The following TRPS1 variants were observed in gnomAD, a reference collection of about 807,000 sequenced individuals.
TRPS1 encodes zinc finger transcription factor Trps1.
Under a neutral mutation model 101.2 loss-of-function variants are expected in TRPS1, and 6 were observed. The observed-to-expected ratio is 0.06, with a 90% confidence interval of 0.03 to 0.12. The LOEUF (loss-of-function observed/expected upper bound fraction) is 0.12. Among genes scored for constraint, TRPS1 ranks in the 10% least tolerant of loss-of-function variants. The pLI is 1.00. For synonymous variants in TRPS1, 578 were observed against 589.8 expected (o/e 0.98, Z 0.29); for missense variants, 1,363 against 1,567.0 (o/e 0.87, Z 2.20).
intron 5 of TRPS1, among the ~76,000 whole-genome samples, chr8:115,507,344 C>T (rs1432865856): frequency 1.3e-5 from 2 of 152,064 alleles, no homozygotes; most frequent in African/African-American, 4.8e-5. Context: ...GGTCCCCAAA[C>T]AGCCTAATCT....
chr8:115,603,909 A>G lies in TRPS1; in HGVS notation c.2060T>C (p.Ile687Thr), dbSNP rs774019004. ...GGAAATCTCTTCTTCCACTTGGGTA[A>G]TAAAATCACATTTGGTACATGAGTG... ...KEHSCTKCDF[I>T]TQVEEEISRH... Residue 687 changes from isoleucine (I) to threonine (T), a missense_variant, in exon 4 of 7, where the codon ATT becomes ACT. Transcript: ENST00000395715. 12 of 1,613,850 alleles carry G rather than the reference A, an allele frequency of 7.4e-6. No homozygotes were observed. The Admixed American group carries it at 1.2e-4, about 16-fold the overall frequency.
At chr8:115,500,862 C>T (rs569298027) in intron 5 of TRPS1, among the ~76,000 whole-genome samples, 8 of 152,142 alleles carry the variant, frequency 5.3e-5, no homozygotes, top group Non-Finnish European at 1.0e-4. Flanking sequence ...CAGGAGCCAC[C>T]GCGCCCGACC....
At chr8:115,487,148 G>A (rs1814901794) in intron 5 of TRPS1, among the ~76,000 whole-genome samples, 1 of 152,046 alleles carries the variant, frequency 6.6e-6, no homozygotes, top group South Asian at 2.1e-4. Flanking sequence ...TATGCTAAAT[G>A]TACTCTGCCT....
intron 1 of TRPS1, among the ~76,000 whole-genome samples, chr8:115,632,190 TATGTA>T (rs1818661184): frequency 6.6e-6 from 1 of 152,154 alleles, no homozygotes; most frequent in African/African-American, 2.4e-5. Context: ...CATCATATGG[TATGTA>T]ATAGGTTTAT....
rs141597253 is a variant in TRPS1 at position 115,479,050 on chromosome 8, C to A, written c.2701-60598G>T. Among the ~76,000 whole-genome samples, 88 of 151,150 alleles carry A rather than the reference C, an allele frequency of 5.8e-4. 1 individual carries two copies. The highest frequency in any genetic ancestry group is 1.8e-3 in the African/African-American group (73 of 41,064). ...GTTTTGAACATATACTATGCACAAG[C>A]CACGAGTATTTTGGGGGGAAAAATA... On this transcript the variant is annotated intron_variant, in intron 5 of 6. Coordinates refer to ENST00000395715, the MANE Select transcript of TRPS1 (RefSeq NM_014112.5).
intron 5 of TRPS1, among the ~76,000 whole-genome samples, chr8:115,514,015 T>C (rs1815648885): frequency 6.6e-6 from 1 of 151,712 alleles, no homozygotes; most frequent in Non-Finnish European, 1.5e-5. Flanking sequence ...AGTATCCACA[T>C]GGTATCTAAG....
chr8:115,546,995 C>T (rs1816588899), intron 5 of TRPS1, among the ~76,000 whole-genome samples: 1 of 152,164 alleles, frequency 6.6e-6, no homozygotes, highest in Non-Finnish European at 1.5e-5. Flanking sequence ...GTGTAGTTGT[C>T]AACTACATTT....
intron 5 of TRPS1, among the ~76,000 whole-genome samples, chr8:115,492,551 G>A (rs530972595): frequency 6.6e-6 from 1 of 151,682 alleles, no homozygotes; most frequent in Non-Finnish European, 1.5e-5. Context: ...CTATGGGGTG[G>A]GTGCTATTGT....
At chr8:115,422,449 C>G (rs1464953273) in intron 5 of TRPS1, among the ~76,000 whole-genome samples, 1 of 152,062 alleles carries the variant, frequency 6.6e-6, no homozygotes, top group African/African-American at 2.4e-5. Context: ...CCACTGCCAC[C>G]TCCGCCTCCC....
In TRPS1 at chr8:115,623,759, C is replaced by A; in HGVS notation, c.-121-1G>T. 1 of 1,471,266 alleles carries A rather than the reference C, an allele frequency of 6.8e-7. No homozygotes were observed. Among genetic ancestry groups the A allele is most frequent in the South Asian group, 1.4e-5 (1 of 73,322 alleles). The allele number at this position is 1,471,266 out of a possible 1,614,324, so 91.1% of individuals were successfully genotyped here. A position where few individuals can be genotyped will look rare whatever the true frequency, so the allele number is the denominator to read the frequency against. On this transcript the variant is annotated splice_acceptor_variant, in intron 1 of 6. Transcript: ENST00000395715. LOFTEE classifies it low-confidence loss of function (5UTR_SPLICE). ...ACATTTTGAGAGCTGATCTGTACAT[C>A]TGCAAAACAAAGCAAAAGAAAAATT...
In TRPS1 at chr8:115,628,569, G is replaced by T. The variant is rs370474920; in HGVS notation, c.-121-4811C>A. Reference sequence around the variant, plus strand: ...TAATAAAATTAAATAACTTTTTCCTGACTTCTAGGATATGAAAAGCTTTAT... The same window carrying T: ...TAATAAAATTAAATAACTTTTTCCTTACTTCTAGGATATGAAAAGCTTTAT... On this transcript the variant is annotated intron_variant, in intron 1 of 6. Coordinates refer to ENST00000395715, the MANE Select transcript of TRPS1 (RefSeq NM_014112.5). Among the ~76,000 whole-genome samples the T allele has an allele frequency of 5.3e-5, 8 of 151,674 alleles. 1 individual carries two copies. In the East Asian group the frequency reaches 1.5e-3, roughly 29 times the overall value.
rs1229664077 is a variant in TRPS1, at chr8:115,424,420, G to A, written c.2701-5968C>T. ...ATTAAGTTCTGGGAGTAATTATTGC[G>A]TGTCCACCATGTGCCTGGCACTGTG... On this transcript the variant is annotated intron_variant, in intron 5 of 6. Transcript: ENST00000395715. 6.6e-5 allele frequency among the ~76,000 whole-genome samples: 10 copies of A among 152,286 alleles called. No homozygotes were observed. The South Asian group carries it at 1.2e-3, about 19-fold the overall frequency.
chr8:115,409,516 A>G lies in TRPS1; in HGVS notation c.*4507T>C, dbSNP rs1365618456. 6.6e-6 allele frequency: 1 copy of G among 152,010 alleles called. No homozygotes were observed. Among genetic ancestry groups the G allele is most frequent in the Non-Finnish European group, 1.5e-5 (1 of 67,982 alleles). The allele number at this position is 152,010 out of a possible 1,614,324, so 9.4% of individuals were successfully genotyped here. A position where few individuals can be genotyped will look rare whatever the true frequency, so the allele number is the denominator to read the frequency against. On this transcript the variant is annotated 3_prime_UTR_variant, in exon 7 of 7. Coordinates refer to ENST00000395715, the MANE Select transcript of TRPS1 (RefSeq NM_014112.5). The stretch of plus-strand genomic sequence containing the variant: ...ACATTTTCTTCATGTGACATACTTG[A>G]CATACTTCTGCCCTAGCATATTCCA...
At chr8:115,654,085 A>C (rs901229298) in intron 1 of TRPS1, among the ~76,000 whole-genome samples, 1 of 152,228 alleles carries the variant, frequency 6.6e-6, no homozygotes, top group Non-Finnish European at 1.5e-5. Context: ...CAAGGGATTT[A>C]AGTAAAATAC....
chr8:115,542,734 C>A (rs1375343758), intron 5 of TRPS1, among the ~76,000 whole-genome samples: 2 of 152,108 alleles, frequency 1.3e-5, no homozygotes, highest in African/African-American at 4.8e-5. Context: ...ATGATACTCA[C>A]CTCACAGACA....
intron 5 of TRPS1, among the ~76,000 whole-genome samples, chr8:115,429,836 C>T (rs1813276670): frequency 1.3e-5 from 2 of 151,996 alleles, no homozygotes; most frequent in South Asian, 2.1e-4. Context: ...CACACAATCT[C>T]GGCAAAAGAC....
chr8:115,638,813 GT>G (rs971783335), intron 1 of TRPS1, among the ~76,000 whole-genome samples: 2 of 151,744 alleles, frequency 1.3e-5, no homozygotes, highest in East Asian at 3.9e-4. Context: ...ATTTTACAAA[GT>G]TTTTTTTAAA....
At chr8:115,464,078 T>G (rs1401823807) in intron 5 of TRPS1, among the ~76,000 whole-genome samples, 1 of 113,378 alleles carries the variant, frequency 8.8e-6, no homozygotes, top group East Asian at 2.0e-4. Context: ...CTGTTGTTTA[T>G]TATAAAAAAA....
At chr8:115,667,991 C>A (rs916357293) in intron 1 of TRPS1, 1 of 1,250,710 alleles carries the variant, frequency 8.0e-7, no homozygotes, top group Non-Finnish European at 1.1e-6. Flanking sequence ...CTCCGCTGCG[C>A]CCGGTAGGAG....
Sources: gnomAD v4.1 joint callset for allele counts (sites outside exome capture counted in the v4.1 genomes callset) on GRCh38, gnomAD v4.1.1 for gene constraint, MANE v1.5 for transcripts, NCBI Gene and HGNC (gene_info 2026-07-23, HGNC 2026-07-21) for gene names.